RPS6KA5: variants seen among roughly 807,000 people sequenced by gnomAD.
RPS6KA5 encodes ribosomal protein S6 kinase alpha-5.
In RPS6KA5, 27 loss-of-function variants were observed where a neutral mutation model predicts 85.5. The ratio of observed to expected loss-of-function variants is 0.32; its 90% CI spans 0.23 to 0.44. The LOEUF is 0.44. Among genes scored for constraint, RPS6KA5 ranks in the 20% least tolerant of loss-of-function variants. The pLI, the probability that RPS6KA5 is intolerant of heterozygous loss-of-function variation, is 1.00. For synonymous variants in RPS6KA5, 334 were observed against 348.2 expected (o/e 0.96, Z 0.46); for missense variants, 811 against 980.9 (o/e 0.83, Z 2.31).
intron 6 of RPS6KA5, 40 bp downstream of exon 6, chr14:90,923,073 T>C (rs780862540): frequency 4.2e-6 from 6 of 1,431,984 alleles, no homozygotes; most frequent in Non-Finnish European, 3.9e-6. Flanking sequence ...ATAGTACATT[T>C]TATAGAAATA....
intron 7 of RPS6KA5, among the ~76,000 whole-genome samples, chr14:90,909,717 AAATT>A (rs1168298372): frequency 6.6e-6 from 1 of 152,228 alleles, no homozygotes; most frequent in Non-Finnish European, 1.5e-5. Flanking sequence ...GCTAGCAAAT[AAATT>A]AATAGCCAAA....
intron 2 of RPS6KA5, among the ~76,000 whole-genome samples, chr14:90,990,687 C>T (rs1236470467): frequency 6.6e-6 from 1 of 152,186 alleles, no homozygotes; most frequent in Non-Finnish European, 1.5e-5. Flanking sequence ...TACATGTACA[C>T]CACAGAATAC....
At chr14:90,999,145 T>C (rs1408811906) in intron 2 of RPS6KA5, among the ~76,000 whole-genome samples, 1 of 152,030 alleles carries the variant, frequency 6.6e-6, no homozygotes, top group African/African-American at 2.4e-5. Context: ...GAGGCAGAAG[T>C]TGCAGTGAGC....
intron 1 of RPS6KA5, among the ~76,000 whole-genome samples, chr14:91,030,234 A>C (rs1014132400): frequency 3.3e-5 from 5 of 152,202 alleles, no homozygotes; most frequent in African/African-American, 4.8e-5. Context: ...CACTCGTAAC[A>C]CTTAGGATTA....
intron 1 of RPS6KA5, among the ~76,000 whole-genome samples, chr14:91,014,619 C>T (rs1279773119): frequency 6.6e-6 from 1 of 151,588 alleles, no homozygotes; most frequent in East Asian, 1.9e-4. Flanking sequence ...ATTTACTTAT[C>T]AAAGTTAATC....
chr14:90,960,007 T>C (rs914928411), intron 3 of RPS6KA5, among the ~76,000 whole-genome samples: 1 of 152,190 alleles, frequency 6.6e-6, no homozygotes, highest in Non-Finnish European at 1.5e-5. Flanking sequence ...AACTTGATCA[T>C]GCCCAGCATG....
At chr14:90,920,613 T>C (rs1236578757) in intron 6 of RPS6KA5, among the ~76,000 whole-genome samples, 1 of 151,816 alleles carries the variant, frequency 6.6e-6, no homozygotes, top group East Asian at 1.9e-4. Flanking sequence ...TTCTTTGGGC[T>C]TATGATAGGG....
At chr14:91,047,702 T>G (rs2042931644) in intron 1 of RPS6KA5, among the ~76,000 whole-genome samples, 1 of 152,174 alleles carries the variant, frequency 6.6e-6, no homozygotes, top group Non-Finnish European at 1.5e-5. Flanking sequence ...AAATTCGTTT[T>G]CTTATAGTTC....
intron 1 of RPS6KA5, among the ~76,000 whole-genome samples, chr14:91,041,667 G>A (rs1444308854): frequency 6.6e-6 from 1 of 152,202 alleles, no homozygotes; most frequent in African/African-American, 2.4e-5. Context: ...CTATTCTGAA[G>A]CTGTTTAGAT....
In RPS6KA5 at chr14:90,857,782, C is replaced by T. The variant is rs1297527277; in HGVS notation, c.*14292G>A. ...TATTTTAATTACCACAAGTCCGACTCGGCAACCATTTAGTAGCCTTTCTAT... is the reference window on the plus strand; with the variant it reads ...TATTTTAATTACCACAAGTCCGACTTGGCAACCATTTAGTAGCCTTTCTAT... On this transcript the variant is annotated 3_prime_UTR_variant, in exon 17 of 17. Coordinates refer to ENST00000614987, the MANE Select transcript of RPS6KA5 (RefSeq NM_004755.4). The T allele has an allele frequency of 2.0e-5, 3 of 152,172 alleles. No homozygotes were observed. The highest frequency in any genetic ancestry group is 4.8e-5 in the African/African-American group (2 of 41,436). The allele number at this position is 152,172 out of a possible 1,614,324, so 9.4% of individuals were successfully genotyped here. A position where few individuals can be genotyped will look rare whatever the true frequency, so the allele number is the denominator to read the frequency against.
At chr14:90,924,383 C>T (rs777270033) in intron 5 of RPS6KA5, among the ~76,000 whole-genome samples, 18 of 152,110 alleles carry the variant, frequency 1.2e-4, no homozygotes, top group Non-Finnish European at 2.5e-4. Context: ...TATGAAGATG[C>T]ATAATGCCTT....
intron 1 of RPS6KA5, among the ~76,000 whole-genome samples, chr14:91,045,389 G>A (rs902932269): frequency 6.6e-6 from 1 of 151,152 alleles, no homozygotes; most frequent in Non-Finnish European, 1.5e-5. Context: ...TCAGCCTCCT[G>A]AGTAACTGGG....
chr14:90,890,753 CT>C (rs2034504544), intron 13 of RPS6KA5, 75 bp from the exon 14 acceptor site: 1 of 1,322,152 alleles, frequency 7.6e-7, no homozygotes, highest in Non-Finnish European at 1.1e-6. Context: ...TTATGTAACA[CT>C]TTGTATATTG....
At chr14:90,898,356 A>ACTG (rs910254498) in intron 12 of RPS6KA5, among the ~76,000 whole-genome samples, 2 of 152,190 alleles carry the variant, frequency 1.3e-5, no homozygotes, top group African/African-American at 4.8e-5. Context: ...TTATGGTGCT[A>ACTG]CTGCTGCTGC....
In RPS6KA5 at chr14:90,946,888, T is replaced by C. The variant is rs2037898823; in HGVS notation, c.510+547A>G. On this transcript the variant is annotated intron_variant, in intron 4 of 16. Transcript: ENST00000614987. ...GTTTGCATAGGGTCACAGACATGAA[T>C]TCCATTTAAAGTTTTTTAGTAAGAG... Among the ~76,000 whole-genome samples the C allele has an allele frequency of 2.6e-5, 4 of 152,206 alleles. No individual in the cohort carries two copies. In the South Asian group the frequency reaches 8.3e-4, roughly 32 times the overall value.
rs2032641015 is a variant in RPS6KA5 at position 90,863,148 on chromosome 14, C to T, written c.*8926G>A. 1 of 150,832 alleles carries T rather than the reference C, an allele frequency of 6.6e-6. No individual in the cohort carries two copies. Among genetic ancestry groups the T allele is most frequent in the Admixed American group, 6.6e-5 (1 of 15,142 alleles). The allele number at this position is 150,832 out of a possible 1,614,324, so 9.3% of individuals were successfully genotyped here. ...TGAAACCCCATCTCTACTAATAATA[C>T]AAAAATTAGCTGAGGGTGGTGGTGC... On this transcript the variant is annotated 3_prime_UTR_variant, in exon 17 of 17. Coordinates refer to ENST00000614987, the MANE Select transcript of RPS6KA5 (RefSeq NM_004755.4).
chr14:91,044,401 G>T, intron 1 of RPS6KA5, among the ~76,000 whole-genome samples: 1 of 91,818 alleles, frequency 1.1e-5, no homozygotes, highest in East Asian at 2.9e-4. Context: ...AGGAAAGAAA[G>T]AAAGAAAGAA....
chr14:90,889,294 CAAAAAAAAAA>C (rs11450327), intron 14 of RPS6KA5, among the ~76,000 whole-genome samples: 1 of 71,240 alleles, frequency 1.4e-5, no homozygotes, highest in Non-Finnish European at 2.7e-5. Flanking sequence ...ACTTTGTCTC[CAAAAAAAAAA>C]AAAAAAAAAA....
At chr14:90,923,974 G>A (rs2036534679) in intron 5 of RPS6KA5, among the ~76,000 whole-genome samples, 1 of 152,074 alleles carries the variant, frequency 6.6e-6, no homozygotes, top group African/African-American at 2.4e-5. Context: ...CCCAAGTTAA[G>A]TGCTTAAAAG....
Sources: allele counts gnomAD v4.1 joint callset (sites outside exome capture counted in the v4.1 genomes callset), GRCh38; gene constraint gnomAD v4.1.1; transcripts MANE v1.5; gene names NCBI Gene and HGNC (gene_info 2026-07-23, HGNC 2026-07-21).